CLHC1: variants seen among roughly 807,000 people sequenced by gnomAD.
The protein encoded by CLHC1 is clathrin heavy chain linker domain containing 1, also known as clathrin heavy chain linker domain-containing protein 1.
Under a neutral mutation model 69.5 loss-of-function variants are expected in CLHC1, and 72 were observed. The observed-to-expected ratio is 1.04, with a 90% CI of 0.86 to 1.26. The LOEUF (loss-of-function observed/expected upper bound fraction) is 1.26, where lower values mean the gene tolerates loss of function less well. Among genes scored for constraint, CLHC1 ranks in the 50% most tolerant of loss-of-function variants. The pLI, the probability that CLHC1 is intolerant of heterozygous loss-of-function variation, is 0.00. For missense variants in CLHC1, 790 were observed against 679.3 expected (o/e 1.16, Z -1.81); for synonymous variants, 223 against 224.3 (o/e 0.99, Z 0.05).
intron 12 of CLHC1, among the ~76,000 whole-genome samples, chr2:55,177,120 G>A (rs1383525826): frequency 7.2e-5 from 11 of 152,042 alleles, no homozygotes; most frequent in East Asian, 1.9e-4. Flanking sequence ...CGATCCACCC[G>A]CCTCAGCCCC....
At position 55,207,819 on chromosome 2, in the gene CLHC1, G is replaced by A. The variant is rs530200227; in HGVS notation, c.899+807C>T. Reference sequence around the variant, plus strand: ...CTACAAAAAGAGCTGAAGTAAATACGGCAAAATGTTAATTTCTTGCTAAGT... The same window carrying A: ...CTACAAAAAGAGCTGAAGTAAATACAGCAAAATGTTAATTTCTTGCTAAGT... On this transcript the variant is annotated intron_variant, in intron 8 of 12. Transcript: ENST00000401408. Among the ~76,000 whole-genome samples the A allele has an allele frequency of 2.3e-4, 35 of 152,144 alleles. No individual in the cohort carries two copies. In the South Asian group the frequency reaches 6.9e-3, roughly 30 times the overall value.
At chr2:55,184,664 T>C (rs1272646845) in intron 9 of CLHC1, among the ~76,000 whole-genome samples, 1 of 152,054 alleles carries the variant, frequency 6.6e-6, no homozygotes, top group East Asian at 1.9e-4. Context: ...CCCAGCACTT[T>C]GGGAGGCTAA....
At chr2:55,218,200 G>A in intron 3 of CLHC1, 1 of 369,860 alleles carries the variant, frequency 2.7e-6, no homozygotes, top group Non-Finnish European at 4.8e-6. Context: ...GAACATTACA[G>A]TAGATAATGT....
chr2:55,194,884 G>C (rs1409265617), intron 9 of CLHC1, among the ~76,000 whole-genome samples: 2 of 151,772 alleles, frequency 1.3e-5, no homozygotes, highest in Non-Finnish European at 2.9e-5. Context: ...CATGTGTATT[G>C]AGAACACTTA....
chr2:55,227,707 T>A (rs1008587379), intron 2 of CLHC1, among the ~76,000 whole-genome samples: 3 of 148,340 alleles, frequency 2.0e-5, no homozygotes, highest in Non-Finnish European at 3.0e-5. Context: ...AAGATAAAAG[T>A]CAAAAGAGGA....
At chr2:55,185,072 C>T (rs1054144294) in intron 9 of CLHC1, among the ~76,000 whole-genome samples, 1 of 151,710 alleles carries the variant, frequency 6.6e-6, no homozygotes, top group African/African-American at 2.4e-5. Context: ...TCATTAAAAT[C>T]ATTAAAATAA....
Position 55,181,739 on chromosome 2 carries a change from C to T in CLHC1, c.1012G>A (p.Gly338Arg). 1 of 1,610,674 alleles carries T rather than the reference C, an allele frequency of 6.2e-7. No homozygotes were observed. Among genetic ancestry groups the T allele is most frequent in the Non-Finnish European group, 8.5e-7 (1 of 1,178,998 alleles). ...IGTMNTFKAV[G>R]KIRGKPLPLL... is the part of the protein sequence containing the mutation. ...GGAAGAGGCTTTCCTCTAATTTTTC[C>T]AACAGCTACAGAAAGGAGAAAATTT... Residue 338 changes from glycine to arginine, a missense_variant, in exon 10 of 13, where the codon GGA becomes AGA. Coordinates refer to ENST00000401408, the MANE Select transcript of CLHC1 (RefSeq NM_152385.4).
intron 4 of CLHC1, among the ~76,000 whole-genome samples, chr2:55,213,125 C>T (rs1009351181): frequency 1.3e-5 from 2 of 152,170 alleles, no homozygotes; most frequent in South Asian, 4.1e-4. Context: ...ATATTAGTTT[C>T]CTGTGGCAAC....
Position 55,198,061 on chromosome 2 carries a change from G to C in CLHC1, c.1006+8209C>G, listed in dbSNP as rs191388117. Among the ~76,000 whole-genome samples, 6 of 152,166 alleles carry C rather than the reference G, an allele frequency of 3.9e-5. 1 individual carries two copies. The highest frequency in any genetic ancestry group is 1.3e-4 in the Admixed American group (2 of 15,268). On this transcript the variant is annotated intron_variant, in intron 9 of 12. Transcript: ENST00000401408. ...TGGAGTTGAAAAATGCAATTGACAT[G>C]CTGAAGAATGCATCAAAGTCTCTCA...
At chr2:55,217,078 C>T (rs1673590836) in intron 4 of CLHC1, among the ~76,000 whole-genome samples, 1 of 152,060 alleles carries the variant, frequency 6.6e-6, no homozygotes, top group Admixed American at 6.5e-5. Flanking sequence ...GCCTGTAGCC[C>T]CAGCTACTTG....
At chr2:55,178,008 T>C (rs1669569402) in intron 11 of CLHC1, among the ~76,000 whole-genome samples, 1 of 151,916 alleles carries the variant, frequency 6.6e-6, no homozygotes, top group Non-Finnish European at 1.5e-5. Context: ...CATAAGAGTA[T>C]CCAAAACATA....
At chr2:55,226,075 C>T (rs1674667762) in intron 2 of CLHC1, among the ~76,000 whole-genome samples, 2 of 151,902 alleles carry the variant, frequency 1.3e-5, no homozygotes, top group South Asian at 4.2e-4. Flanking sequence ...GCCTGTAGTC[C>T]CAGCTACTCA....
rs1356340652 is a variant in CLHC1, at chr2:55,209,617, T to G, written c.701+13A>C. 2 of 1,610,884 alleles carry G rather than the reference T, an allele frequency of 1.2e-6. No homozygotes were observed. Among genetic ancestry groups the G allele is most frequent in the Non-Finnish European group, 1.7e-6 (2 of 1,177,320 alleles). On this transcript the variant is annotated intron_variant, in intron 6 of 12. Transcript: ENST00000401408. ...AACTCCAAACTTTAAAAACATATAA[T>G]CAACTTCCATACCAAAACTGCAATT...
At chr2:55,183,093 G>T (rs1670075448) in intron 9 of CLHC1, among the ~76,000 whole-genome samples, 1 of 152,146 alleles carries the variant, frequency 6.6e-6, no homozygotes, top group Admixed American at 6.5e-5. Flanking sequence ...CCACTGTAAA[G>T]CTGCCTAGTG....
intron 2 of CLHC1, chr2:55,224,378 G>T: frequency 2.3e-6 from 1 of 439,634 alleles, no homozygotes; most frequent in Non-Finnish European, 4.6e-6. Context: ...AAGCTCCCCC[G>T]ACACCCAGTG....
chr2:55,195,161 G>A (rs979816225), intron 9 of CLHC1, among the ~76,000 whole-genome samples: 1 of 152,030 alleles, frequency 6.6e-6, no homozygotes, highest in African/African-American at 2.4e-5. Context: ...CTCAAACTTA[G>A]TATCCTCTGA....
intron 1 of CLHC1, among the ~76,000 whole-genome samples, chr2:55,230,834 G>A (rs1315343679): frequency 6.6e-6 from 1 of 152,222 alleles, no homozygotes; most frequent in Admixed American, 6.5e-5. Flanking sequence ...GATCAGAATG[G>A]TGGGGACAAA....
intron 9 of CLHC1, 127 bp from the exon 10 acceptor site, chr2:55,181,871 A>C: frequency 5.6e-6 from 4 of 712,898 alleles, no homozygotes; most frequent in Non-Finnish European, 9.4e-6. Flanking sequence ...ACACATTTAT[A>C]ATTTTTAACT....
Position 55,209,403 on chromosome 2 carries a change from C to T in CLHC1, c.814+1G>A. On this transcript the variant is annotated splice_donor_variant, in intron 7 of 12. Coordinates refer to ENST00000401408, the MANE Select transcript of CLHC1 (RefSeq NM_152385.4). LOFTEE classifies it high-confidence loss of function. ...CTAATTTAAAAATATAGATAATCTACCTTGTAAATATTTGGTTTTCTGAAT... is the reference window on the plus strand; with the variant it reads ...CTAATTTAAAAATATAGATAATCTATCTTGTAAATATTTGGTTTTCTGAAT... 4 of 1,557,536 alleles carry T rather than the reference C, an allele frequency of 2.6e-6. No individual in the cohort carries two copies. The highest frequency in any genetic ancestry group is 3.5e-6 in the Non-Finnish European group (4 of 1,139,516).
Sources: allele counts gnomAD v4.1 joint callset (sites outside exome capture counted in the v4.1 genomes callset), GRCh38; gene constraint gnomAD v4.1.1; transcripts MANE v1.5; gene names NCBI Gene and HGNC (gene_info 2026-07-23, HGNC 2026-07-21).